Variants in RNF114 observed in about 807,000 individuals in gnomAD.
The protein encoded by RNF114 is E3 ubiquitin-protein ligase RNF114.
A neutral mutation model predicts 28.4 loss-of-function variants in RNF114; 6 were observed. The ratio of observed to expected loss-of-function variants is 0.21; its 90% CI spans 0.12 to 0.42. RNF114 has a LOEUF of 0.42. Ranked by LOEUF, RNF114 falls within the 10% of genes least tolerant of loss-of-function variation. The probability of loss-of-function intolerance (pLI) is 1.00; values close to 1 mark genes in which losing one functional copy is unlikely to be tolerated. For synonymous variants in RNF114, 115 were observed against 116.7 expected (o/e 0.99, Z 0.09); for missense variants, 249 against 311.7 (o/e 0.80, Z 1.51).
At chr20:49,951,275 C>T (rs1460274290) in intron 5 of RNF114, among the ~76,000 whole-genome samples, 1 of 150,220 alleles carries the variant, frequency 6.7e-6, no homozygotes, top group Non-Finnish European at 1.5e-5. Context: ...GTTAATGTGA[C>T]ACAGATGAAT....
At chr20:49,941,213 T>A (rs769814354) in intron 1 of RNF114, 11 of 192,264 alleles carry the variant, frequency 5.7e-5, no homozygotes, top group Non-Finnish European at 1.2e-4. Flanking sequence ...CTCCCAGCAG[T>A]CCTAGAGGTA....
intron 4 of RNF114, among the ~76,000 whole-genome samples, 162 bp downstream of exon 4, chr20:49,946,412 A>AT (rs1312443757): frequency 1.3e-5 from 2 of 152,088 alleles, no homozygotes; most frequent in East Asian, 1.9e-4. Flanking sequence ...TATAGTACAC[A>AT]TTTTTTGCTG....
intron 3 of RNF114, 129 bp from the exon 4 acceptor site, chr20:49,946,007 G>C (rs746495620): frequency 1.8e-5 from 10 of 560,594 alleles, no homozygotes; most frequent in Non-Finnish European, 3.2e-5. Context: ...TGAGTCTGAA[G>C]TGATCATCAG....
chr20:49,946,105 G>A (rs1459474485), intron 3 of RNF114, 31 bp from the exon 4 acceptor site: 18 of 1,321,674 alleles, frequency 1.4e-5, no homozygotes, highest in Admixed American at 2.1e-5. Context: ...TCACAGAAAA[G>A]TTTTCTTTTT....
At chr20:49,937,750 C>A (rs1401455442) in intron 1 of RNF114, among the ~76,000 whole-genome samples, 1 of 152,036 alleles carries the variant, frequency 6.6e-6, no homozygotes, top group African/African-American at 2.4e-5. Flanking sequence ...TCACCAAATA[C>A]CATCCCCATC....
At position 49,953,802 on chromosome 20, in the gene RNF114, T is replaced by C. The variant is rs1195057200; in HGVS notation, c.*1661T>C. 1 of 152,202 alleles carries C rather than the reference T, an allele frequency of 6.6e-6. No individual in the cohort carries two copies. The highest frequency in any genetic ancestry group is 2.4e-5 in the African/African-American group (1 of 41,448). 9.4% of individuals were successfully genotyped at this position (152,202 alleles called of 1,614,324 possible). On this transcript the variant is annotated 3_prime_UTR_variant, in exon 6 of 6. Transcript: ENST00000244061. ...TTAAGTGCACTTCTTGTATTTCTAA[T>C]AAGATGACTTTCCAGAAAGTGAGAT...
At chr20:49,937,310 C>CTGAGT (rs887457461) in intron 1 of RNF114, among the ~76,000 whole-genome samples, 8 of 152,184 alleles carry the variant, frequency 5.3e-5, no homozygotes, top group African/African-American at 1.9e-4. Flanking sequence ...ACAAACACAT[C>CTGAGT]TGAGTTGAAA....
At chr20:49,943,690 A>C (rs1177637706) in intron 2 of RNF114, among the ~76,000 whole-genome samples, 1 of 108,364 alleles carries the variant, frequency 9.2e-6, no homozygotes, top group Admixed American at 1.4e-4. Context: ...ACGGAGTCTC[A>C]CTCTGTTGCC....
At position 49,949,504 on chromosome 20, in the gene RNF114, AG is replaced by A. The variant is rs1427410997; in HGVS notation, c.621+153del. 8.8e-6 allele frequency: 6 copies of A among 678,874 alleles called. No homozygotes were observed. The East Asian group carries it at 1.6e-4, about 19-fold the overall frequency. 42.1% of individuals were successfully genotyped at this position (678,874 alleles called of 1,614,324 possible). A position where few individuals can be genotyped will look rare whatever the true frequency, so the allele number is the denominator to read the frequency against. On this transcript the variant is annotated intron_variant, in intron 5 of 5. Coordinates refer to ENST00000244061, the MANE Select transcript of RNF114 (RefSeq NM_018683.4). ...GTCTGTATACTGGATACAGTGATAA[AG>A]GGGATTGACAAGAGAGAAAAGAAGA...
chr20:49,946,259 C>T lies in RNF114; in HGVS notation c.513+9C>T. On this transcript the variant is annotated intron_variant, in intron 4 of 5. Transcript: ENST00000244061. ...CGGATACCAAATCTGTGGTGAGTAA[C>T]CTTTTTTTTTTTTTTTAAACTTCAT... The T allele has an allele frequency of 7.6e-7, 1 of 1,312,298 alleles. No individual in the cohort carries two copies. The highest frequency in any genetic ancestry group is 1.1e-6 in the Non-Finnish European group (1 of 948,428). 81.3% of individuals were successfully genotyped at this position (1,312,298 alleles called of 1,614,324 possible).
chr20:49,936,857 C>T (rs2090289264), intron 1 of RNF114, among the ~76,000 whole-genome samples: 1 of 152,162 alleles, frequency 6.6e-6, no homozygotes, highest in Admixed American at 6.5e-5. Context: ...TCGTGCCCTG[C>T]GGGGACTTTA....
At chr20:49,946,337 C>A in intron 4 of RNF114, 87 bp downstream of exon 4, 1 of 651,530 alleles carries the variant, frequency 1.5e-6, no homozygotes, top group South Asian at 2.0e-5. Context: ...AGAATGAACT[C>A]CTGTGTGCCC....
At chr20:49,940,262 C>A (rs767598432) in intron 1 of RNF114, among the ~76,000 whole-genome samples, 1 of 151,978 alleles carries the variant, frequency 6.6e-6, no homozygotes, top group Non-Finnish European at 1.5e-5. Flanking sequence ...GAATAGTCTT[C>A]CCTTCCTCTG....
intron 1 of RNF114, 47 bp downstream of exon 1, chr20:49,936,599 G>A (rs1223552933): frequency 6.4e-7 from 1 of 1,564,932 alleles, no homozygotes. Flanking sequence ...AACTGGGAAG[G>A]GAATGGAGCC....
At chr20:49,946,917 CT>C (rs2090333757) in intron 4 of RNF114, among the ~76,000 whole-genome samples, 1 of 135,184 alleles carries the variant, frequency 7.4e-6, no homozygotes, top group Non-Finnish European at 1.7e-5. Flanking sequence ...GTGTAGTCTC[CT>C]TTAAAAAAAA....
chr20:49,951,563 A>C (rs1345436762), intron 5 of RNF114, among the ~76,000 whole-genome samples: 1 of 152,136 alleles, frequency 6.6e-6, no homozygotes, highest in Non-Finnish European at 1.5e-5. Flanking sequence ...CATTTAAGGG[A>C]GGCATCCTTA....
intron 2 of RNF114, among the ~76,000 whole-genome samples, chr20:49,942,678 G>GC (rs1389666633): frequency 6.6e-6 from 1 of 152,104 alleles, no homozygotes; most frequent in Non-Finnish European, 1.5e-5. Context: ...CAAAAAACTA[G>GC]CAGGGCATGG....
chr20:49,940,390 T>G (rs1245363986), intron 1 of RNF114, among the ~76,000 whole-genome samples: 2 of 150,550 alleles, frequency 1.3e-5, no homozygotes, highest in African/African-American at 4.9e-5. Flanking sequence ...GTTCATGAAC[T>G]ACAAAAGGAT....
At chr20:49,948,746 C>G (rs2090344913) in intron 4 of RNF114, among the ~76,000 whole-genome samples, 2 of 152,094 alleles carry the variant, frequency 1.3e-5, no homozygotes, top group African/African-American at 4.8e-5. Context: ...CTGGAGCACT[C>G]TTTCATGTCC....
Sources: gnomAD v4.1 joint callset for allele counts (sites outside exome capture counted in the v4.1 genomes callset) on GRCh38, gnomAD v4.1.1 for gene constraint, MANE v1.5 for transcripts, NCBI Gene and HGNC (gene_info 2026-07-23, HGNC 2026-07-21) for gene names.